The following SPOCK2 variants were observed in gnomAD, a reference collection of about 807,000 sequenced individuals.
The protein encoded by SPOCK2 is testican-2.
SPOCK2 carries 39 observed loss-of-function variants against 60.1 expected under a neutral mutation model. That is an observed-to-expected ratio of 0.65 (90% CI 0.50 to 0.85). SPOCK2 has a LOEUF of 0.85. Ranked by LOEUF, SPOCK2 falls within the 40% of genes least tolerant of loss-of-function variation. The pLI is 0.00. For synonymous variants in SPOCK2, 217 were observed against 231.5 expected, an observed-to-expected ratio of 0.94 and a Z score of 0.57; for missense variants, 523 against 567.4, an observed-to-expected ratio of 0.92 and a Z score of 0.80.
Position 72,085,446 on chromosome 10 carries a change from C to T in SPOCK2, c.189+2694G>A, listed in dbSNP as rs532197021. ...GTGCTCAGAGAAAGATGCTAAGCTG[C>T]GCTCCCTCTCAACCAGCTCTGGCCA... On this transcript the variant is annotated intron_variant, in intron 1 of 10. Coordinates refer to ENST00000373109, the MANE Select transcript of SPOCK2 (RefSeq NM_001244950.2). Among the ~76,000 whole-genome samples the T allele has an allele frequency of 3.3e-4, 50 of 152,310 alleles. 1 individual carries two copies. Among genetic ancestry groups the T allele is most frequent in the South Asian group, 1.9e-3 (9 of 4,830 alleles).
In SPOCK2 at chr10:72,068,240, G is replaced by A; in HGVS notation, c.536C>T (p.Pro179Leu). Residue 179 changes from proline to leucine, a missense_variant, in exon 6 of 11, where the codon CCC becomes CTC. Coordinates refer to ENST00000373109, the MANE Select transcript of SPOCK2 (RefSeq NM_001244950.2). The stretch of plus-strand genomic sequence containing the variant: ...AGCCTGCTCCGTGGGGCAGGGGCAG[G>A]GGCCCTCGCATCGCACCGCCAGCTG... Reference protein sequence around the residue: ...SKQLAVRCEGPCPCPTEQAAT... With the variant: ...SKQLAVRCEGLCPCPTEQAAT... The A allele has an allele frequency of 6.2e-7, 1 of 1,611,944 alleles. No homozygotes were observed. The highest frequency in any genetic ancestry group is 8.5e-7 in the Non-Finnish European group (1 of 1,179,374).
intron 4 of SPOCK2, 145 bp from the exon 5 acceptor site, chr10:72,070,571 C>T (rs1840633990): frequency 2.8e-6 from 2 of 703,588 alleles, no homozygotes; most frequent in South Asian, 3.6e-5. Context: ...GCCCACCCTC[C>T]CCACACTGCT....
intron 1 of SPOCK2, 89 bp from the exon 2 acceptor site, chr10:72,072,999 G>A (rs1158936631): frequency 5.9e-6 from 9 of 1,538,334 alleles, no homozygotes; most frequent in Non-Finnish European, 7.0e-6. Flanking sequence ...AGGCCCTCTG[G>A]TGTTCCTGGG....
chr10:72,062,533 CAT>C lies in SPOCK2; in HGVS notation c.*225_*226del. 1 of 761,634 alleles carries C rather than the reference CAT, an allele frequency of 1.3e-6. No homozygotes were observed. The allele number at this position is 761,634 out of a possible 1,614,324, so 47.2% of individuals were successfully genotyped here. A position where few individuals can be genotyped will look rare whatever the true frequency, so the allele number is the denominator to read the frequency against. Reference sequence around the variant, plus strand: ...TGGATCAAGGACACATTTGTCAGCGCATGCCACACACACACACACATACACAC... The same window carrying C: ...TGGATCAAGGACACATTTGTCAGCGCGCCACACACACACACACATACACAC... On this transcript the variant is annotated 3_prime_UTR_variant, in exon 11 of 11. Transcript: ENST00000373109. The surrounding 1 kb of genome is among the most constrained non-coding windows in gnomAD (Gnocchi z 4.3).
chr10:72,081,305 T>C (rs985569620), intron 1 of SPOCK2, among the ~76,000 whole-genome samples: 1 of 152,224 alleles, frequency 6.6e-6, no homozygotes, highest in Non-Finnish European at 1.5e-5. Context: ...TTCAGAGACT[T>C]CGCGTCCTCT....
intron 1 of SPOCK2, among the ~76,000 whole-genome samples, chr10:72,084,792 A>G (rs556794049): frequency 1.3e-5 from 2 of 152,292 alleles, no homozygotes; most frequent in African/African-American, 4.8e-5. Flanking sequence ...AAGTAACAAT[A>G]ACTATCTCCC....
chr10:72,079,823 C>A (rs1253249148), intron 1 of SPOCK2, among the ~76,000 whole-genome samples: 1 of 152,028 alleles, frequency 6.6e-6, no homozygotes, highest in Non-Finnish European at 1.5e-5. Flanking sequence ...CCCCCTACAC[C>A]CCTCACCACC....
intron 1 of SPOCK2, among the ~76,000 whole-genome samples, chr10:72,076,344 G>A (rs1030067412): frequency 2.0e-5 from 3 of 152,218 alleles, no homozygotes; most frequent in Admixed American, 6.5e-5. Context: ...TCAGTGCAGT[G>A]TTGGGTGTCT....
At chr10:72,078,705 C>A (rs1840747819) in intron 1 of SPOCK2, among the ~76,000 whole-genome samples, 1 of 152,128 alleles carries the variant, frequency 6.6e-6, no homozygotes. Flanking sequence ...CAAACCCCAG[C>A]ACAGCTGTCT....
At chr10:72,067,806 GC>G in intron 6 of SPOCK2, 74 bp from the exon 7 acceptor site, 1 of 1,556,786 alleles carries the variant, frequency 6.4e-7, no homozygotes. Flanking sequence ...CTGGGATCCT[GC>G]CCTACAGGCC....
intron 8 of SPOCK2, 95 bp from the exon 9 acceptor site, chr10:72,064,335 TGC>T: frequency 7.4e-7 from 1 of 1,355,400 alleles, no homozygotes; most frequent in African/African-American, 1.5e-5. Flanking sequence ...GCAGGGGCTC[TGC>T]AAGATGAAAA....
At chr10:72,067,863 G>A (rs1840592125) in intron 6 of SPOCK2, 131 bp from the exon 7 acceptor site, 2 of 1,378,802 alleles carry the variant, frequency 1.5e-6, no homozygotes, top group Admixed American at 2.3e-5. Flanking sequence ...AAGGGAAGGT[G>A]GAAATCGGGG....
chr10:72,080,947 T>C (rs1015861863), intron 1 of SPOCK2, among the ~76,000 whole-genome samples: 12 of 152,158 alleles, frequency 7.9e-5, no homozygotes, highest in African/African-American at 2.4e-4. Context: ...GTGGCCCCAA[T>C]AGTCCATAAA....
rs1245546 is a variant in SPOCK2, at chr10:72,087,068, C to T, written c.189+1072G>A. 698,000 of 1,482,168 alleles carry T rather than the reference C, an allele frequency of 0.47. 170,117 individuals are homozygous for T. Among genetic ancestry groups the T allele is most frequent in the African/African-American group, 0.8 (56,327 of 70,454 alleles). 91.8% of individuals were successfully genotyped at this position (1,482,168 alleles called of 1,614,324 possible). A position where few individuals can be genotyped will look rare whatever the true frequency, so the allele number is the denominator to read the frequency against. On this transcript the variant is annotated intron_variant, in intron 1 of 10. Coordinates refer to ENST00000373109, the MANE Select transcript of SPOCK2 (RefSeq NM_001244950.2). The surrounding 1 kb of genome is among the most constrained non-coding windows in gnomAD (Gnocchi z 4.7). Reference sequence around the variant, plus strand: ...CAGGGCCGCGGTGAGCACCAGGTCGCCAGGAGCAGCCGGCGTCGCCTCTGG... The same window carrying T: ...CAGGGCCGCGGTGAGCACCAGGTCGTCAGGAGCAGCCGGCGTCGCCTCTGG...
At chr10:72,064,276 C>T (rs1384576430) in intron 8 of SPOCK2, 36 bp from the exon 9 acceptor site, 2 of 1,548,558 alleles carry the variant, frequency 1.3e-6, no homozygotes, top group East Asian at 2.3e-5. Context: ...TGGGACTGTC[C>T]CCTGGTGCTG....
At chr10:72,068,632 G>A (rs1840604945) in intron 5 of SPOCK2, 1 of 294,980 alleles carries the variant, frequency 3.4e-6, no homozygotes, top group Admixed American at 5.6e-5. Context: ...CCCTTCCCCT[G>A]TGTTAGCTGT....
intron 1 of SPOCK2, among the ~76,000 whole-genome samples, chr10:72,075,923 G>A (rs916693479): frequency 3.3e-5 from 5 of 152,216 alleles, no homozygotes; most frequent in East Asian, 1.9e-4. Flanking sequence ...ACCCGACCTC[G>A]AGGGGCTCAG....
Position 72,087,506 on chromosome 10 carries a change from C to T in SPOCK2, c.189+634G>A, listed in dbSNP as rs920001647. On this transcript the variant is annotated intron_variant, in intron 1 of 10. Coordinates refer to ENST00000373109, the MANE Select transcript of SPOCK2 (RefSeq NM_001244950.2). The surrounding 1 kb of genome is among the most constrained non-coding windows in gnomAD (Gnocchi z 4.7). The stretch of plus-strand genomic sequence containing the variant: ...AAAACCAGCCTGGGTCCTCGCGCGC[C>T]CTTCTGCACGGGGACCCCAGCCCAC... 1.1e-4 allele frequency among the ~76,000 whole-genome samples: 17 copies of T among 152,294 alleles called. No homozygotes were observed. Among genetic ancestry groups the T allele is most frequent in the Admixed American group, 1.1e-3 (17 of 15,302 alleles).
Position 72,071,334 on chromosome 10 carries a change from C to G in SPOCK2, c.359+810G>C, listed in dbSNP as rs116384714. On this transcript the variant is annotated intron_variant, in intron 4 of 10. Transcript: ENST00000373109. Reference sequence around the variant, plus strand: ...CCACACGAGTATCTGGGACTACAGGCACAAGCGACCATGCCCAGCTAATTT... The same window carrying G: ...CCACACGAGTATCTGGGACTACAGGGACAAGCGACCATGCCCAGCTAATTT... Among the ~76,000 whole-genome samples, 406 of 152,246 alleles carry G rather than the reference C, an allele frequency of 2.7e-3. 1 individual carries two copies. Among genetic ancestry groups the G allele is most frequent in the African/African-American group, 9.4e-3 (389 of 41,544 alleles).
Sources: gnomAD v4.1 joint callset for allele counts (sites outside exome capture counted in the v4.1 genomes callset) on GRCh38, gnomAD v4.1.1 for gene constraint, Gnocchi (gnomAD v3.1) non-coding constraint, MANE v1.5 for transcripts, NCBI Gene and HGNC (gene_info 2026-07-23, HGNC 2026-07-21) for gene names.